Variants in UNC13A observed in about 807,000 individuals in gnomAD.
UNC13A encodes the protein protein unc-13 homolog A.
In UNC13A, 61 loss-of-function variants were observed where a neutral mutation model predicts 219.7. The ratio of observed to expected loss-of-function variants is 0.28; its 90% CI spans 0.23 to 0.34. The LOEUF is 0.34. Among genes scored for constraint, UNC13A ranks in the 10% least tolerant of loss-of-function variants. The pLI is 1.00. For missense variants in UNC13A, 1,476 were observed against 2,270.3 expected (o/e 0.65, Z 7.11); for synonymous variants, 920 against 884.6 (o/e 1.04, Z -0.71).
intron 38 of UNC13A, among the ~76,000 whole-genome samples, chr19:17,619,433 CTTTTCTTTTT>C (rs2076704009): frequency 8.5e-6 from 1 of 117,718 alleles, no homozygotes; most frequent in Non-Finnish European, 1.8e-5. Flanking sequence ...TCTGATTTTT[CTTTTCTTTTT>C]TTTTTTTTTT....
At chr19:17,623,434 T>C in intron 36 of UNC13A, 108 bp downstream of exon 36, 1 of 714,060 alleles carries the variant, frequency 1.4e-6, no homozygotes, top group Non-Finnish European at 2.2e-6. Flanking sequence ...GGATGGTGGG[T>C]GAGGAGGGGG....
In UNC13A at chr19:17,636,038, A is replaced by G. The variant is rs2076909937; in HGVS notation, c.3201T>C (p.Thr1067=). 2 of 1,611,682 alleles carry G rather than the reference A, an allele frequency of 1.2e-6. No individual in the cohort carries two copies. Among genetic ancestry groups the G allele is most frequent in the Non-Finnish European group, 1.7e-6 (2 of 1,178,262 alleles). Reference sequence around the variant, plus strand: ...ACACAACTCACTGGTTGAGGCAGGGAGTGTAGGAATTCTTGTCTTCCTCAA... The same window carrying G: ...ACACAACTCACTGGTTGAGGCAGGGGGTGTAGGAATTCTTGTCTTCCTCAA... The part of the protein sequence containing the change: ...SIIEEDKNSY[T]PCLNQFPQEL... The change falls in exon 26 of 44, where the codon ACT becomes ACC. Residue 1067 remains threonine (T), a synonymous_variant. Coordinates refer to ENST00000519716, the MANE Select transcript of UNC13A (RefSeq NM_001080421.3).
chr19:17,667,175 C>T (rs1024259028), intron 6 of UNC13A, among the ~76,000 whole-genome samples: 5 of 151,354 alleles, frequency 3.3e-5, no homozygotes, highest in East Asian at 1.9e-4. Context: ...CACTTGAACC[C>T]GGGAGGTGGA....
In UNC13A at chr19:17,605,437, C is replaced by G. The variant is rs2144894941; in HGVS notation, c.*617G>C. 6.5e-6 allele frequency: 1 copy of G among 152,802 alleles called. No individual in the cohort carries two copies. Among genetic ancestry groups the G allele is most frequent in the South Asian group, 2.1e-4 (1 of 4,818 alleles). The allele number at this position is 152,802 out of a possible 1,614,324, so 9.5% of individuals were successfully genotyped here. ...CCTCGGCCCCCAGGGTTTGGGCGCCCAAGGGCGCATGTGCTTTTGAAATCC... is the reference window on the plus strand; with the variant it reads ...CCTCGGCCCCCAGGGTTTGGGCGCCGAAGGGCGCATGTGCTTTTGAAATCC... On this transcript the variant is annotated 3_prime_UTR_variant, in exon 44 of 44. Transcript: ENST00000519716.
chr19:17,679,408 T>C (rs559322291), intron 1 of UNC13A, among the ~76,000 whole-genome samples: 152 of 149,418 alleles, frequency 1.0e-3, no homozygotes, highest in Admixed American at 1.3e-3. Flanking sequence ...TCAAAAAATA[T>C]ATAATAATAA....
rs2076606638 is a variant in UNC13A, at chr19:17,611,801, G to A, written c.4613C>T (p.Thr1538Ile). ...GEVSVHVELFTHPGTGEHKVT... is the reference protein window; with the variant it reads ...GEVSVHVELFIHPGTGEHKVT... ...CTTGTGTTCCCCAGTTCCTGGATGA[G>A]TGAACAGCTCAACATGGACAGAGAC... Residue 1538 changes from threonine to isoleucine, a missense_variant, in exon 42 of 44, where the codon ACT (threonine) becomes ATT (isoleucine). Thr to Ile is a moderately conservative substitution (Grantham distance 89). This residue lies in a region of UNC13A where 77 missense variants were observed against 94.8 expected (regional missense o/e 0.81). Transcript: ENST00000519716. The A allele has an allele frequency of 6.2e-7, 1 of 1,614,210 alleles. No homozygotes were observed. The highest frequency in any genetic ancestry group is 8.5e-7 in the Non-Finnish European group (1 of 1,180,016).
At chr19:17,657,354 C>T (rs1337358497) in intron 9 of UNC13A, among the ~76,000 whole-genome samples, 1 of 152,194 alleles carries the variant, frequency 6.6e-6, no homozygotes, top group Non-Finnish European at 1.5e-5. Flanking sequence ...CAAACTCCTA[C>T]CCACCCTCTG....
At chr19:17,680,869 C>CTT (rs71162171) in intron 1 of UNC13A, among the ~76,000 whole-genome samples, 100 of 106,456 alleles carry the variant, frequency 9.4e-4, no homozygotes, top group Non-Finnish European at 1.4e-3. Flanking sequence ...TCTTCTTCTT[C>CTT]TTTTTTTTTC....
In UNC13A at chr19:17,655,923, C is replaced by A; in HGVS notation, c.1243G>T (p.Glu415Ter). Reference protein sequence around the residue: ...PATPDKVPAAEQIPEAEPPKD... With the variant: ...PATPDKVPAA ...GGTGGCTCAGCCTCAGGGATCTGCT[C>A]AGCTGCAGGCACCTTGTCGGGCGTG... is the stretch of plus-strand genomic sequence containing the variant. Residue 415 changes from glutamate to a stop codon, truncating the protein, a stop_gained, in exon 10 of 44, where the codon GAG (glutamate) becomes TAG (stop). Coordinates refer to ENST00000519716, the MANE Select transcript of UNC13A (RefSeq NM_001080421.3). LOFTEE classifies it high-confidence loss of function. 1 of 1,536,482 alleles carries A rather than the reference C, an allele frequency of 6.5e-7. No homozygotes were observed.
chr19:17,608,495 A>AT (rs1253438565), intron 43 of UNC13A, among the ~76,000 whole-genome samples: 2 of 141,662 alleles, frequency 1.4e-5, no homozygotes, highest in Admixed American at 7.5e-5. Flanking sequence ...ATATAATATA[A>AT]ATACATATTT....
chr19:17,657,122 A>G (rs867937130), intron 9 of UNC13A, among the ~76,000 whole-genome samples: 2 of 151,464 alleles, frequency 1.3e-5, no homozygotes, highest in Admixed American at 1.3e-4. Flanking sequence ...TGTAAATCCA[A>G]TCACCTCCCT....
intron 28 of UNC13A, among the ~76,000 whole-genome samples, chr19:17,632,253 T>C (rs2145009448): frequency 6.6e-6 from 1 of 152,262 alleles, no homozygotes; most frequent in Admixed American, 6.5e-5. Flanking sequence ...CCCTATTGGC[T>C]ATGCTGGTCT....
chr19:17,644,895 T>A (rs1478921310), intron 19 of UNC13A, among the ~76,000 whole-genome samples: 1 of 152,062 alleles, frequency 6.6e-6, no homozygotes, highest in Non-Finnish European at 1.5e-5. Flanking sequence ...TTTCACTATG[T>A]TGCCCAGGCT....
In UNC13A at chr19:17,655,366, C is replaced by T. The variant is rs2079431202; in HGVS notation, c.1300G>A (p.Asp434Asn). Residue 434 changes from aspartate to asparagine, a missense_variant, in exon 11 of 44, where the codon GAT (aspartate) becomes AAT (asparagine). Asp to Asn is a conservative substitution (Grantham distance 23). Transcript: ENST00000519716. ...KDEESFRPRE[D>N]EEGQEGQDSM... ...TCCTGCCCCTCCTGGCCTTCCTCAT[C>T]CTCTCTCGGCCTGAAACTGAGGCAG... is the stretch of plus-strand genomic sequence containing the variant. The T allele has an allele frequency of 6.3e-7, 1 of 1,583,160 alleles. No individual in the cohort carries two copies. The highest frequency in any genetic ancestry group is 1.2e-5 in the South Asian group (1 of 86,420).
chr19:17,609,820 T>C, intron 43 of UNC13A, 120 bp downstream of exon 43: 1 of 1,402,802 alleles, frequency 7.1e-7, no homozygotes, highest in Non-Finnish European at 9.8e-7. Flanking sequence ...CCACCTAGAA[T>C]GTGGCCCCTC....
Position 17,623,523 on chromosome 19 carries a change from C to T in UNC13A, c.4203+19G>A. 1 of 1,517,700 alleles carries T rather than the reference C, an allele frequency of 6.6e-7. No homozygotes were observed. The allele number at this position is 1,517,700 out of a possible 1,614,324, so 94.0% of individuals were successfully genotyped here. A position where few individuals can be genotyped will look rare whatever the true frequency, so the allele number is the denominator to read the frequency against. On this transcript the variant is annotated intron_variant, in intron 36 of 43. Coordinates refer to ENST00000519716, the MANE Select transcript of UNC13A (RefSeq NM_001080421.3). Reference sequence around the variant, plus strand: ...CAGAGAGGACGGACAGACAGACGGACAGACGGGACTCTACTTACGATCATC... The same window carrying T: ...CAGAGAGGACGGACAGACAGACGGATAGACGGGACTCTACTTACGATCATC...
chr19:17,666,912 AAGAC>A (rs1652674454), intron 6 of UNC13A, among the ~76,000 whole-genome samples: 1 of 65,640 alleles, frequency 1.5e-5, no homozygotes, highest in South Asian at 7.8e-4. Context: ...GAGAGAGAGA[AAGAC>A]AGAGACAGAG....
intron 37 of UNC13A, among the ~76,000 whole-genome samples, 163 bp downstream of exon 37, chr19:17,621,669 A>G (rs923874392): frequency 6.6e-6 from 1 of 151,926 alleles, no homozygotes; most frequent in African/African-American, 2.4e-5. Flanking sequence ...CTGGAGAATC[A>G]CTTCATCTCT....
chr19:17,660,795 G>T (rs1193751348), intron 8 of UNC13A, among the ~76,000 whole-genome samples: 1 of 152,034 alleles, frequency 6.6e-6, no homozygotes, highest in Non-Finnish European at 1.5e-5. Flanking sequence ...GCCTCCCAAA[G>T]TGCTGGGATT....
Sources: gnomAD v4.1 joint callset for allele counts (sites outside exome capture counted in the v4.1 genomes callset) on GRCh38, gnomAD v4.1.1 for gene constraint, gnomAD v4.1.1 regional missense constraint, MANE v1.5 for transcripts, NCBI Gene and HGNC (gene_info 2026-07-23, HGNC 2026-07-21) for gene names.